The following FREM1 variants were observed in gnomAD, a reference collection of about 807,000 sequenced individuals.
FREM1 encodes the protein FRAS1 related extracellular matrix 1.
In FREM1, 220 loss-of-function variants were observed where a neutral mutation model predicts 210.1. That is an observed-to-expected ratio of 1.05 (90% CI 0.94 to 1.17). The LOEUF is 1.17. FREM1 is among the 50% of genes most tolerant of loss of function. The pLI, the probability that FREM1 is intolerant of heterozygous loss-of-function variation, is 0.00. For missense variants in FREM1, 3,454 were observed against 2,675.5 expected, an observed-to-expected ratio of 1.29 and a Z score of -6.42; for synonymous variants, 1,189 against 980.2, an observed-to-expected ratio of 1.21 and a Z score of -3.98.
chr9:14,772,942 T>C (rs1053776017), intron 25 of FREM1, among the ~76,000 whole-genome samples: 7 of 152,206 alleles, frequency 4.6e-5, no homozygotes, highest in African/African-American at 7.2e-5. Context: ...GTCGTGATCA[T>C]GTGTTTTTAA....
chr9:14,884,206 G>A lies in FREM1; in HGVS notation c.-267-14962C>T, dbSNP rs1019232930. On this transcript the variant is annotated intron_variant, in intron 1 of 36. Transcript: ENST00000380880. ...ATCGCGCCACTGCACTCCAGCCTGG[G>A]CGACAGAGCGAGACTCCATCTCAAA... 3.9e-5 allele frequency among the ~76,000 whole-genome samples: 6 copies of A among 152,134 alleles called. 1 individual carries two copies. Among genetic ancestry groups the A allele is most frequent in the Non-Finnish European group, 1.5e-5 (1 of 68,012 alleles).
At chr9:14,821,894 T>G (rs1468768051) in intron 13 of FREM1, among the ~76,000 whole-genome samples, 1 of 152,210 alleles carries the variant, frequency 6.6e-6, no homozygotes, top group Non-Finnish European at 1.5e-5. Context: ...AATTCATTAT[T>G]TTCATATATT....
At chr9:14,869,636 C>T (rs1832217117) in intron 1 of FREM1, among the ~76,000 whole-genome samples, 1 of 152,094 alleles carries the variant, frequency 6.6e-6, no homozygotes, top group African/African-American at 2.4e-5. Flanking sequence ...TAATTTTTTT[C>T]AGAGAGCTGA....
chr9:14,773,160 C>T (rs1847897482), intron 25 of FREM1, among the ~76,000 whole-genome samples: 1 of 152,140 alleles, frequency 6.6e-6, no homozygotes, highest in Non-Finnish European at 1.5e-5. Flanking sequence ...AGAAAATGCA[C>T]AGAAAGCAAT....
intron 27 of FREM1, among the ~76,000 whole-genome samples, chr9:14,762,039 A>G (rs1322099394): frequency 1.3e-5 from 2 of 152,228 alleles, no homozygotes; most frequent in African/African-American, 2.4e-5. Flanking sequence ...TTTGCACTTT[A>G]GACATCTGCT....
chr9:14,737,553 C>G lies in FREM1; in HGVS notation c.6383G>C (p.Gly2128Ala), dbSNP rs367864890. The change falls in exon 37 of 37, where the codon GGT becomes GCT. Residue 2128 changes from glycine to alanine, a missense_variant. By Grantham distance (60) the Gly-to-Ala change is moderately conservative. Transcript: ENST00000380880. ...QVHAGHWEWI[G>A]GEPVAFTNGR... ...ATTGGTGAAGGCAACAGGTTCACCA[C>G]CGATCCACTCCCAGTGGCCAGCATG... 16 of 1,603,024 alleles carry G rather than the reference C, an allele frequency of 1.0e-5. No homozygotes were observed. In the African/African-American group the frequency reaches 1.9e-4, roughly 19 times the overall value.
At chr9:14,826,828 G>A (rs1822545437) in intron 10 of FREM1, among the ~76,000 whole-genome samples, 1 of 152,124 alleles carries the variant, frequency 6.6e-6, no homozygotes, top group African/African-American at 2.4e-5. Flanking sequence ...GTTCCCTCTG[G>A]AGTATACAGC....
chr9:14,800,766 G>T (rs1333594645), intron 20 of FREM1, among the ~76,000 whole-genome samples: 1 of 152,142 alleles, frequency 6.6e-6, no homozygotes, highest in Non-Finnish European at 1.5e-5. Context: ...AGGGCTTCCT[G>T]TCCTACATTA....
intron 36 of FREM1, among the ~76,000 whole-genome samples, chr9:14,739,536 T>TTA (rs376624123): frequency 6.8e-6 from 1 of 146,678 alleles, no homozygotes; most frequent in African/African-American, 2.5e-5. Context: ...TATGTAAATA[T>TTA]TATATATATT....
intron 1 of FREM1, among the ~76,000 whole-genome samples, chr9:14,905,814 C>T (rs1036165460): frequency 2.0e-5 from 3 of 152,002 alleles, no homozygotes; most frequent in Non-Finnish European, 4.4e-5. Context: ...TGGCTTGAAC[C>T]AGGGAGGCAG....
At chr9:14,739,394 A>C (rs1841024284) in intron 36 of FREM1, among the ~76,000 whole-genome samples, 1 of 150,264 alleles carries the variant, frequency 6.7e-6, no homozygotes, top group Non-Finnish European at 1.5e-5. Flanking sequence ...GTGAGCCACC[A>C]TACCCAGCCT....
Position 14,842,438 on chromosome 9 carries a change from AGGATGGTCTGC to A in FREM1, c.1605_1615del (p.Gln536AspfsTer15). 6.2e-7 allele frequency: 1 copy of A among 1,614,036 alleles called. No homozygotes were observed. The highest frequency in any genetic ancestry group is 8.5e-7 in the Non-Finnish European group (1 of 1,179,864). ...AGCTCGCAGCATGGATCCCTGGATC[AGGATGGTCTGC>A]CCCTCCTCCAGTTCAATCACAACAT... On this transcript the variant is annotated frameshift_variant, in exon 9 of 37. Transcript: ENST00000380880. LOFTEE classifies it high-confidence loss of function.
chr9:14,852,066 G>A (rs770169424), intron 5 of FREM1, among the ~76,000 whole-genome samples: 28 of 152,116 alleles, frequency 1.8e-4, no homozygotes, highest in Non-Finnish European at 3.5e-4. Flanking sequence ...GCCAAAGTAG[G>A]CACTTAGCAA....
At chr9:14,771,122 T>C (rs929629751) in intron 25 of FREM1, among the ~76,000 whole-genome samples, 1 of 152,144 alleles carries the variant, frequency 6.6e-6, no homozygotes, top group Non-Finnish European at 1.5e-5. Flanking sequence ...TCCCTGCACT[T>C]GGCACAGTGC....
chr9:14,750,231 A>G lies in FREM1; in HGVS notation c.5453T>C (p.Leu1818Ser). The G allele has an allele frequency of 6.2e-7, 1 of 1,613,112 alleles. No homozygotes were observed. Among genetic ancestry groups the G allele is most frequent in the Non-Finnish European group, 8.5e-7 (1 of 1,179,142 alleles). Reference sequence around the variant, plus strand: ...TTCAAAGACCTCATCATCTTCCTCTAATCCGTCATAGGTAATTGCTATATT... The same window carrying G: ...TTCAAAGACCTCATCATCTTCCTCTGATCCGTCATAGGTAATTGCTATATT... ...MWNIAITYDG[L>S]EEDDEVFEVI... is the part of the protein sequence containing the mutation. The change falls in exon 30 of 37, where the codon TTA becomes TCA. Residue 1818 changes from leucine to serine, a missense_variant. Transcript: ENST00000380880.
At chr9:14,846,408 C>T (rs549842245) in intron 7 of FREM1, among the ~76,000 whole-genome samples, 2 of 152,232 alleles carry the variant, frequency 1.3e-5, no homozygotes, top group East Asian at 3.9e-4. Context: ...ATATCTAATG[C>T]ATGAGGGGCT....
At chr9:14,775,761 G>A (rs1211042049) in intron 25 of FREM1, 28 bp downstream of exon 25, 1 of 1,318,182 alleles carries the variant, frequency 7.6e-7, no homozygotes, top group South Asian at 1.2e-5. Flanking sequence ...CACATCTCTG[G>A]CAAATGAACT....
rs1220347813 is a variant in FREM1, at chr9:14,836,552, T to C, written c.1881+4895A>G. Reference sequence around the variant, plus strand: ...CTGGGCGGCTACAATCCCTCTTTAATAAATTCCAGTCTTCTTTCTGGAATT... The same window carrying C: ...CTGGGCGGCTACAATCCCTCTTTAACAAATTCCAGTCTTCTTTCTGGAATT... On this transcript the variant is annotated intron_variant, in intron 10 of 36. Transcript: ENST00000380880. The surrounding 1 kb of genome is among the most constrained non-coding windows in gnomAD (Gnocchi z 4.9). Among the ~76,000 whole-genome samples, 1 of 152,230 alleles carries C rather than the reference T, an allele frequency of 6.6e-6. No individual in the cohort carries two copies. Among genetic ancestry groups the C allele is most frequent in the Non-Finnish European group, 1.5e-5 (1 of 68,028 alleles).
At chr9:14,759,693 T>G in intron 28 of FREM1, 79 bp downstream of exon 28, 1 of 1,355,848 alleles carries the variant, frequency 7.4e-7, no homozygotes, top group Non-Finnish European at 9.9e-7. Context: ...ACTCTGAATT[T>G]TTCTAAAAAA....
Sources: gnomAD v4.1 joint callset for allele counts (sites outside exome capture counted in the v4.1 genomes callset) on GRCh38, gnomAD v4.1.1 for gene constraint, Gnocchi (gnomAD v3.1) non-coding constraint, MANE v1.5 for transcripts, NCBI Gene and HGNC (gene_info 2026-07-23, HGNC 2026-07-21) for gene names.